ZNF454: variants seen among roughly 807,000 people sequenced by gnomAD.
ZNF454 encodes the protein zinc finger protein 454.
Under a neutral mutation model 48.2 loss-of-function variants are expected in ZNF454, and 30 were observed. The observed-to-expected ratio is 0.62, with a 90% confidence interval of 0.47 to 0.84. The LOEUF (loss-of-function observed/expected upper bound fraction) is 0.84. ZNF454 is among the 40% of genes least tolerant of loss of function. The pLI is 0.00. For synonymous variants in ZNF454, 204 were observed against 211.4 expected (o/e 0.97, Z 0.30); for missense variants, 510 against 623.1 (o/e 0.82, Z 1.93).
At chr5:178,950,955 G>C (rs1189840869) in intron 4 of ZNF454, among the ~76,000 whole-genome samples, 2 of 151,640 alleles carry the variant, frequency 1.3e-5, no homozygotes, top group Admixed American at 6.6e-5. Context: ...TGCCTACCGG[G>C]TTCAAGCTAT....
downstream of ZNF454, chr5:178,966,551 T>G (rs994757879): frequency 2.6e-5 from 4 of 152,144 alleles, no homozygotes; most frequent in African/African-American, 9.7e-5. Context: ...TGGAGCTTCA[T>G]TAACAGCATT....
intron 4 of ZNF454, among the ~76,000 whole-genome samples, chr5:178,959,827 G>A (rs917328853): frequency 3.0e-4 from 45 of 151,984 alleles, no homozygotes; most frequent in African/African-American, 1.1e-3. Context: ...GGATGGTCTC[G>A]ATCTCCTGAC....
At chr5:178,947,016 G>A in intron 4 of ZNF454, 30 bp downstream of exon 4, 13 of 1,595,896 alleles carry the variant, frequency 8.1e-6, no homozygotes, top group Non-Finnish European at 1.1e-5. Context: ...GAGACACCGG[G>A]AGGAGCCCTG....
At chr5:178,949,949 A>G (rs1369540839) in intron 4 of ZNF454, among the ~76,000 whole-genome samples, 1 of 151,984 alleles carries the variant, frequency 6.6e-6, no homozygotes, top group African/African-American at 2.4e-5. Context: ...TAAGACATCA[A>G]AGACCATAGA....
chr5:178,985,483 C>G, the ZNF454 span: 3 of 341,524 alleles, frequency 8.8e-6, no homozygotes, highest in African/African-American at 4.4e-5. Flanking sequence ...GTGGGCGGAT[C>G]ACGAGGTCAG....
the ZNF454 span, chr5:178,983,316 G>A: frequency 8.0e-5 from 86 of 1,079,616 alleles, 1 homozygote; most frequent in East Asian, 1.7e-3. Context: ...ATCCCCTTGA[G>A]GCTCTGGCCT....
chr5:178,989,797 C>T, the ZNF454 span: 3 of 339,236 alleles, frequency 8.8e-6, no homozygotes, highest in African/African-American at 6.4e-5. Context: ...CATCTTGTGA[C>T]TATGAGACCA....
the ZNF454 span, among the ~76,000 whole-genome samples, chr5:178,976,870 C>G: frequency 6.6e-6 from 1 of 152,188 alleles, no homozygotes; most frequent in Non-Finnish European, 1.5e-5. Flanking sequence ...GATGTTGATA[C>G]TACAGGTATA....
In ZNF454 at chr5:178,959,692, A is replaced by G. The variant is rs573768360; in HGVS notation, c.251-4963A>G. 3.9e-3 allele frequency among the ~76,000 whole-genome samples: 592 copies of G among 151,566 alleles called. 9 individuals carry two copies. Among genetic ancestry groups the G allele is most frequent in the East Asian group, 0.036 (182 of 5,120 alleles). On this transcript the variant is annotated intron_variant, in intron 4 of 4. Transcript: ENST00000519564. ...ACAATCTCAGCTCACTGCAAGCTCC[A>G]CCTCCTGGGTTCACGCCATTCTGCT...
chr5:178,958,284 A>G (rs1759858733), intron 4 of ZNF454, among the ~76,000 whole-genome samples: 1 of 152,216 alleles, frequency 6.6e-6, no homozygotes, highest in South Asian at 2.1e-4. Flanking sequence ...CTTTTGTCGT[A>G]AAGGTAACAA....
At chr5:178,988,925 AC>A in the ZNF454 span, 1 of 1,606,294 alleles carries the variant, frequency 6.2e-7, no homozygotes, top group South Asian at 1.1e-5. The surrounding 1 kb of genome is among the most constrained non-coding windows in gnomAD (Gnocchi z 6.0). Flanking sequence ...GGGGGCAGGC[AC>A]CCACTCACCA....
At chr5:178,971,369 G>A (rs890600175), downstream of ZNF454, among the ~76,000 whole-genome samples, 15 of 152,144 alleles carry the variant, frequency 9.9e-5, no homozygotes, top group African/African-American at 3.6e-4. Context: ...GCTAGTTTGT[G>A]TCATTTCAGT....
downstream of ZNF454, among the ~76,000 whole-genome samples, chr5:178,967,363 G>A (rs56107744): frequency 2.6e-4 from 39 of 152,326 alleles, no homozygotes; most frequent in African/African-American, 9.1e-4. Flanking sequence ...TCCCCTGGCT[G>A]TACAGTCCAC....
At chr5:178,988,172 C>A in the ZNF454 span, among the ~76,000 whole-genome samples, 4 of 152,150 alleles carry the variant, frequency 2.6e-5, no homozygotes, top group African/African-American at 7.2e-5. The surrounding 1 kb of genome is among the most constrained non-coding windows in gnomAD (Gnocchi z 6.0). Flanking sequence ...ACTGTCCAGG[C>A]GAGAGGATGA....
At chr5:178,986,042 G>T in the ZNF454 span, 2 of 1,232,380 alleles carry the variant, frequency 1.6e-6, no homozygotes, top group Non-Finnish European at 2.3e-6. Flanking sequence ...GACTACAGGC[G>T]TGTGCCACTG....
At chr5:178,942,906 A>T (rs1581853429) in intron 2 of ZNF454, 82 bp downstream of exon 2, 4 of 1,512,702 alleles carry the variant, frequency 2.6e-6, no homozygotes, top group Non-Finnish European at 3.6e-6. Context: ...CGGGAGCTTT[A>T]TTCCCAATCC....
intron 4 of ZNF454, chr5:178,956,772 C>G (rs1759775447): frequency 1.2e-5 from 2 of 171,648 alleles, no homozygotes; most frequent in African/African-American, 4.8e-5. Context: ...GTGGCACGAT[C>G]TCGGCTCACT....
At chr5:178,987,075 A>G in the ZNF454 span, 2 of 1,304,098 alleles carry the variant, frequency 1.5e-6, no homozygotes, top group African/African-American at 1.5e-5. Flanking sequence ...AGAAAGGAGG[A>G]GCTTAACAAG....
chr5:178,966,128 A>C lies in ZNF454; in HGVS notation c.*155A>C. On this transcript the variant is annotated 3_prime_UTR_variant, in exon 5 of 5. Coordinates refer to ENST00000519564, the MANE Select transcript of ZNF454 (RefSeq NM_001178089.3). ...TTTCACAGTGTCATGGGGTTTGGGC[A>C]TTTAAGAATGGCAAACACTCGGCTG... 1 of 692,948 alleles carries C rather than the reference A, an allele frequency of 1.4e-6. No homozygotes were observed. The highest frequency in any genetic ancestry group is 2.6e-5 in the South Asian group (1 of 37,750). 42.9% of individuals were successfully genotyped at this position (692,948 alleles called of 1,614,324 possible).
Sources: allele counts gnomAD v4.1 joint callset (sites outside exome capture counted in the v4.1 genomes callset), GRCh38; gene constraint gnomAD v4.1.1; non-coding constraint Gnocchi (gnomAD v3.1); transcripts MANE v1.5; gene names NCBI Gene and HGNC (gene_info 2026-07-23, HGNC 2026-07-21).